PCDH9: variants seen among roughly 807,000 people sequenced by gnomAD.
The protein encoded by PCDH9 is protocadherin-9.
A neutral mutation model predicts 70.6 loss-of-function variants in PCDH9; 24 were observed. That is an observed-to-expected ratio of 0.34 (90% CI 0.25 to 0.48). The LOEUF is 0.48. PCDH9 is among the 20% of genes least tolerant of loss of function. The pLI is 0.99. For synonymous variants in PCDH9, 562 were observed against 558.5 expected (o/e 1.01, Z -0.09); for missense variants, 1,281 against 1,503.6 (o/e 0.85, Z 2.45).
At chr13:67,010,293 A>G (rs1009997504) in intron 2 of PCDH9, among the ~76,000 whole-genome samples, 15 of 151,990 alleles carry the variant, frequency 9.9e-5, no homozygotes, top group African/African-American at 3.6e-4. Context: ...CCCCAACTAC[A>G]GGACTCCAAA....
At chr13:66,590,429 T>C (rs2077023240) in intron 4 of PCDH9, among the ~76,000 whole-genome samples, 1 of 151,922 alleles carries the variant, frequency 6.6e-6, no homozygotes, top group Non-Finnish European at 1.5e-5. Context: ...TTCAAAGTTA[T>C]CTAAGTTCAT....
At chr13:66,652,225 G>C (rs1170677105) in intron 3 of PCDH9, among the ~76,000 whole-genome samples, 1 of 151,938 alleles carries the variant, frequency 6.6e-6, no homozygotes, top group Non-Finnish European at 1.5e-5. Flanking sequence ...CTTGTTTGCA[G>C]ATAAAGAACC....
intron 2 of PCDH9, among the ~76,000 whole-genome samples, chr13:67,175,947 A>G (rs200992749): frequency 2.4e-5 from 2 of 83,380 alleles, no homozygotes; most frequent in East Asian, 7.2e-4. Context: ...GTAAACCATT[A>G]AAAAAAAAAA....
At chr13:66,619,632 T>C (rs932698090) in intron 4 of PCDH9, among the ~76,000 whole-genome samples, 1 of 152,188 alleles carries the variant, frequency 6.6e-6, no homozygotes, top group Admixed American at 6.5e-5. Flanking sequence ...GCCTGCATTA[T>C]ATGCTAGCAA....
In PCDH9 at chr13:66,304,853, C is replaced by A; in HGVS notation, c.3516G>T (p.Lys1172Asn). ...TGGTCAGGGTGTGCCCATTCACAAG[C>A]TTGTCCTTCTTCACCCATTCTTTCT... The part of the protein sequence containing the change: ...APQKEWVKKD[K>N]LVNGHTLTRA... Residue 1172 changes from lysine (K) to asparagine (N), a missense_variant, in exon 5 of 5, where the codon AAG becomes AAT. Coordinates refer to ENST00000377865, the MANE Select transcript of PCDH9 (RefSeq NM_203487.3). 1 of 1,613,552 alleles carries A rather than the reference C, an allele frequency of 6.2e-7. No homozygotes were observed. Among genetic ancestry groups the A allele is most frequent in the Non-Finnish European group, 8.5e-7 (1 of 1,179,732 alleles).
At chr13:67,176,617 C>T (rs1278747464) in intron 2 of PCDH9, among the ~76,000 whole-genome samples, 1 of 151,802 alleles carries the variant, frequency 6.6e-6, no homozygotes, top group Non-Finnish European at 1.5e-5. Flanking sequence ...TCCTGTAGTA[C>T]TAATATTTTT....
At position 66,542,970 on chromosome 13, in the gene PCDH9, G is replaced by A. The variant is rs1961029257; in HGVS notation, c.3340+88240C>T. Among the ~76,000 whole-genome samples, 2 of 151,426 alleles carry A rather than the reference G, an allele frequency of 1.3e-5. 1 individual carries two copies. The highest frequency in any genetic ancestry group is 4.2e-4 in the South Asian group (2 of 4,790). On this transcript the variant is annotated intron_variant, in intron 4 of 4. Coordinates refer to ENST00000377865, the MANE Select transcript of PCDH9 (RefSeq NM_203487.3). Reference sequence around the variant, plus strand: ...ATTTATAACTTTCAAATTAATATGTGTGTGTAGAAAGTCATATGGTCATAA... The same window carrying A: ...ATTTATAACTTTCAAATTAATATGTATGTGTAGAAAGTCATATGGTCATAA...
chr13:67,140,025 A>ACCCCCCCCCCCCCC (rs34514187), intron 2 of PCDH9, among the ~76,000 whole-genome samples: 1 of 65,936 alleles, frequency 1.5e-5, no homozygotes, highest in Non-Finnish European at 2.8e-5. Context: ...TTTTTTGATC[A>ACCCCCCCCCCCCCC]CCCCCCCCCC....
intron 4 of PCDH9, among the ~76,000 whole-genome samples, chr13:66,422,370 C>A (rs1439281052): frequency 6.6e-6 from 1 of 152,144 alleles, no homozygotes; most frequent in East Asian, 1.9e-4. Context: ...TTTTCAGCAC[C>A]ACATAGCACT....
In PCDH9 at chr13:67,012,635, A is replaced by AT. The variant is rs35000555; in HGVS notation, c.3037-109031dup. ...ATACGTTGAATGGTTAGTGAGTCGC[A>AT]TTTTTTTCCATTTCATGAACAGAAG... On this transcript the variant is annotated intron_variant, in intron 2 of 4. Transcript: ENST00000377865. Among the ~76,000 whole-genome samples, 1,225 of 151,988 alleles carry AT rather than the reference A, an allele frequency of 8.1e-3. 10 individuals are homozygous for AT. Among genetic ancestry groups the AT allele is most frequent in the Middle Eastern group, 0.014 (4 of 294 alleles).
intron 4 of PCDH9, among the ~76,000 whole-genome samples, chr13:66,547,241 T>C (rs930531998): frequency 5.3e-5 from 8 of 152,216 alleles, no homozygotes; most frequent in Non-Finnish European, 7.3e-5. Flanking sequence ...ATACTTTGTA[T>C]GACACCTTGA....
At chr13:66,911,230 C>A (rs759743548) in intron 2 of PCDH9, among the ~76,000 whole-genome samples, 9 of 152,074 alleles carry the variant, frequency 5.9e-5, no homozygotes. Context: ...ATTAAATGTG[C>A]CAAAGACTGT....
At chr13:66,868,728 T>C (rs1408024205) in intron 3 of PCDH9, among the ~76,000 whole-genome samples, 1 of 152,170 alleles carries the variant, frequency 6.6e-6, no homozygotes, top group Non-Finnish European at 1.5e-5. Context: ...CATGAAATTA[T>C]GGCAAGAGTA....
At chr13:67,060,283 T>C (rs1254370728) in intron 2 of PCDH9, among the ~76,000 whole-genome samples, 1 of 152,082 alleles carries the variant, frequency 6.6e-6, no homozygotes, top group Non-Finnish European at 1.5e-5. Flanking sequence ...CTGTGCTCTA[T>C]GCATTATTAC....
At chr13:66,755,148 G>A (rs192320702) in intron 3 of PCDH9, among the ~76,000 whole-genome samples, 1 of 148,778 alleles carries the variant, frequency 6.7e-6, no homozygotes, top group East Asian at 1.9e-4. Flanking sequence ...AAATTTTGCT[G>A]AGCCTAGAGC....
At chr13:66,644,358 T>C (rs1370831477) in intron 3 of PCDH9, among the ~76,000 whole-genome samples, 2 of 151,876 alleles carry the variant, frequency 1.3e-5, no homozygotes, top group African/African-American at 2.4e-5. Context: ...TAGGGAAAAC[T>C]GTGTTCAATA....
chr13:67,137,262 G>A (rs1306838965), intron 2 of PCDH9, among the ~76,000 whole-genome samples: 1 of 152,050 alleles, frequency 6.6e-6, no homozygotes, highest in Non-Finnish European at 1.5e-5. Context: ...GGCTTGATAC[G>A]GGTGAGCCAA....
intron 4 of PCDH9, among the ~76,000 whole-genome samples, chr13:66,618,913 G>A (rs912315341): frequency 2.0e-5 from 3 of 152,112 alleles, no homozygotes; most frequent in Non-Finnish European, 2.9e-5. Flanking sequence ...TTTACACTAG[G>A]AGGCATAAAT....
chr13:66,573,907 T>C (rs1172859145), intron 4 of PCDH9, among the ~76,000 whole-genome samples: 1 of 152,182 alleles, frequency 6.6e-6, no homozygotes, highest in Non-Finnish European at 1.5e-5. Flanking sequence ...CTCTACTTTC[T>C]TCCTTTCTAC....
Sources: allele counts gnomAD v4.1 joint callset (sites outside exome capture counted in the v4.1 genomes callset), GRCh38; gene constraint gnomAD v4.1.1; transcripts MANE v1.5; gene names NCBI Gene and HGNC (gene_info 2026-07-23, HGNC 2026-07-21).